Variants in TENT5D observed in about 807,000 individuals in gnomAD.
TENT5D encodes the protein cancer/testis antigen 112.
For missense variants in TENT5D, 191 were observed against 287.0 expected (o/e 0.67, Z 2.42); for synonymous variants, 103 against 100.6 (o/e 1.02, Z -0.15).
At chrX:80,367,230 T>C (rs2147524511) in intron 3 of TENT5D, among the ~76,000 whole-genome samples, 1 of 111,560 alleles carries the variant, frequency 9.0e-6, no homozygotes, top group African/African-American at 3.2e-5. Context: ...AACAGTTCAA[T>C]TACAATTAGA....
chrX:80,381,294 T>C (rs1367543419), intron 3 of TENT5D, among the ~76,000 whole-genome samples: 1 of 112,194 alleles, frequency 8.9e-6, no homozygotes, highest in African/African-American at 3.2e-5. Flanking sequence ...GCCCCCACTC[T>C]CTTCTGGCTT....
intron 3 of TENT5D, among the ~76,000 whole-genome samples, chrX:80,377,875 C>T (rs1475222432): frequency 8.9e-6 from 1 of 111,891 alleles, no homozygotes; most frequent in Non-Finnish European, 1.9e-5. Context: ...GTTCCTATTT[C>T]TCCACATCCT....
At chrX:80,432,776 A>C (rs990190122) in intron 1 of TENT5D, among the ~76,000 whole-genome samples, 16 of 111,122 alleles carry the variant, frequency 1.4e-4, no homozygotes, top group African/African-American at 5.2e-4. Flanking sequence ...AATAAGTGAA[A>C]GAAGAAAGCT....
chrX:80,442,933 C>G, exon 3 of TENT5D: 1 of 1,211,305 alleles, frequency 8.3e-7, no homozygotes, highest in Non-Finnish European at 1.1e-6. Context: ...CGCTTACGTA[C>G]AGAAATTGGT....
In TENT5D at chrX:80,420,578, A is replaced by C. The variant is rs935936914; in HGVS notation, c.-142+15A>C. On this transcript the variant is annotated intron_variant, in intron 1 of 2. Coordinates refer to ENST00000308293, the Ensembl canonical transcript of TENT5D. ...CAGAAGACACGGTGAGCAATCTTGT[A>C]GAAAGGGAGTTTTTCTTTTAGTTTT... 1 of 111,651 alleles carries C rather than the reference A, an allele frequency of 9.0e-6. No individual in the cohort carries two copies. Among genetic ancestry groups the C allele is most frequent in the South Asian group, 3.8e-4 (1 of 2,663 alleles). 9.2% of individuals were successfully genotyped at this position (111,651 alleles called of 1,213,427 possible).
At chrX:80,343,880 C>G (rs1279900290) in intron 3 of TENT5D, among the ~76,000 whole-genome samples, 1 of 110,729 alleles carries the variant, frequency 9.0e-6, no homozygotes, top group Non-Finnish European at 1.9e-5. Flanking sequence ...GTTTGGTATA[C>G]AAATTATTTT....
intron 3 of TENT5D, among the ~76,000 whole-genome samples, chrX:80,375,068 G>A (rs1930698533): frequency 9.0e-6 from 1 of 111,079 alleles, no homozygotes; most frequent in African/African-American, 3.3e-5. Context: ...TGCATGCTTT[G>A]TGTATTCCAT....
chrX:80,407,486 A>G (rs1429560315), intron 3 of TENT5D, among the ~76,000 whole-genome samples: 243 of 104,379 alleles, frequency 2.3e-3, no homozygotes, highest in Non-Finnish European at 2.8e-3. Flanking sequence ...AACCAACAAA[A>G]ATCAAAAGAG....
intron 1 of TENT5D, among the ~76,000 whole-genome samples, chrX:80,422,842 G>C (rs1931916716): frequency 9.0e-6 from 1 of 111,572 alleles, no homozygotes; most frequent in African/African-American, 3.3e-5. Context: ...TTAATTCCTT[G>C]AGTGTTGACA....
At chrX:80,417,582 C>G (rs1368718235), upstream of TENT5D, among the ~76,000 whole-genome samples, 1 of 110,719 alleles carries the variant, frequency 9.0e-6, no homozygotes, top group Non-Finnish European at 1.9e-5. Context: ...GTTTGACTGG[C>G]TATGAAATTC....
rs752906515 is a variant in TENT5D at position 80,383,592 on chromosome X, C to T, written c.-142+41028C>T. Among the ~76,000 whole-genome samples the T allele has an allele frequency of 8.9e-4, 100 of 112,396 alleles. 2 individuals carry two copies. Among genetic ancestry groups the T allele is most frequent in the Admixed American group, 1.9e-4 (2 of 10,602 alleles). On this transcript the variant is annotated intron_variant, in intron 3 of 4. Coordinates refer to the TENT5D transcript ENST00000538312. ...AAAACTTGGGCCGGGCGCATTGGCT[C>T]ACGCCTGTAATCCCAGCACTTTGTG...
intron 3 of TENT5D, among the ~76,000 whole-genome samples, chrX:80,411,315 A>G (rs1304776834): frequency 8.9e-6 from 1 of 112,185 alleles, no homozygotes; most frequent in Non-Finnish European, 1.9e-5. Context: ...CTTAACATCA[A>G]AACCCAATCT....
intron 3 of TENT5D, among the ~76,000 whole-genome samples, chrX:80,371,242 A>C (rs150968889): frequency 2.7e-5 from 3 of 111,873 alleles, no homozygotes; most frequent in Admixed American, 9.5e-5. Context: ...GTGGGCTTCA[A>C]ATATCCTCTA....
intron 1 of TENT5D, among the ~76,000 whole-genome samples, chrX:80,423,465 A>G (rs1367783606): frequency 9.0e-6 from 1 of 111,225 alleles, no homozygotes; most frequent in Non-Finnish European, 1.9e-5. Context: ...CAGGGTTTTT[A>G]TGGACCGGGA....
chrX:80,349,864 T>C (rs1930141469), intron 3 of TENT5D, among the ~76,000 whole-genome samples: 1 of 111,384 alleles, frequency 9.0e-6, no homozygotes. Context: ...TTGTTCTCGT[T>C]GGTTTCAAAG....
At chrX:80,339,868 T>G (rs1406118276) in intron 2 of TENT5D, among the ~76,000 whole-genome samples, 4 of 104,046 alleles carry the variant, frequency 3.8e-5, no homozygotes, top group East Asian at 5.9e-4. Context: ...TATATATATA[T>G]ATATAGAGAG....
In TENT5D at chrX:80,383,819, G is replaced by A. The variant is rs920475296; in HGVS notation, c.-142+41255G>A. ...TGCAGTGAGCCGAGATTGTGCCACG[G>A]CACTCTAGCCTGGGCGACAGAGCGA... On this transcript the variant is annotated intron_variant, in intron 3 of 4. Coordinates refer to the TENT5D transcript ENST00000538312. 6.3e-5 allele frequency among the ~76,000 whole-genome samples: 7 copies of A among 110,914 alleles called. No individual in the cohort carries two copies. In the East Asian group the frequency reaches 1.7e-3, roughly 27 times the overall value.
chrX:80,352,675 G>C (rs1930203396), intron 3 of TENT5D, among the ~76,000 whole-genome samples: 2 of 92,564 alleles, frequency 2.2e-5, no homozygotes, highest in Middle Eastern at 7.4e-3. Flanking sequence ...GAATGCTTCT[G>C]TCTCTATGGG....
chrX:80,424,304 A>T (rs1242191625), intron 1 of TENT5D, among the ~76,000 whole-genome samples: 1 of 112,035 alleles, frequency 8.9e-6, no homozygotes, highest in Non-Finnish European at 1.9e-5. Context: ...GAGGTAAAGA[A>T]GCTTAAAAAT....
Sources: allele counts gnomAD v4.1 joint callset (sites outside exome capture counted in the v4.1 genomes callset), GRCh38; gene constraint gnomAD v4.1.1; transcripts MANE v1.5; gene names NCBI Gene and HGNC (gene_info 2026-07-23, HGNC 2026-07-21).